ACAD10: variants seen among roughly 807,000 people sequenced by gnomAD.
The protein encoded by ACAD10 is ACAD-10.
In ACAD10, 112 loss-of-function variants were observed where a neutral mutation model predicts 116.8. That is an observed-to-expected ratio of 0.96 (90% CI 0.82 to 1.12). ACAD10 has a LOEUF of 1.12. Ranked by LOEUF, ACAD10 falls within the 50% of genes most tolerant of loss-of-function variation. The probability of loss-of-function intolerance (pLI) is 0.00; values close to 1 mark genes in which losing one functional copy is unlikely to be tolerated. For synonymous variants in ACAD10, 486 were observed against 510.6 expected (o/e 0.95, Z 0.65); for missense variants, 1,259 against 1,350.2 (o/e 0.93, Z 1.06).
chr12:111,745,835 C>CTTTTT (rs532150491), intron 13 of ACAD10, among the ~76,000 whole-genome samples: 42 of 104,762 alleles, frequency 4.0e-4, no homozygotes, highest in Middle Eastern at 6.8e-3. Context: ...CCATCTCTCT[C>CTTTTT]TTTTTTTTTT....
rs150643910 is a variant in ACAD10 at position 111,748,449 on chromosome 12, C to G, written c.2618C>G (p.Thr873Arg). Reference protein sequence around the residue: ...TPGIKIIRPLTVYGLEDAPGG... With the variant: ...TPGIKIIRPLRVYGLEDAPGG... ...GGGATAAAAATCATCCGGCCTCTGA[C>G]GGTGTATGGACTGGAAGATGCACCA... Residue 873 changes from threonine (T) to arginine (R), a missense_variant, in exon 17 of 21, where the codon ACG (threonine) becomes AGG (arginine). By Grantham distance (71) the Thr-to-Arg change is moderately conservative (BLOSUM62 -1). Coordinates refer to ENST00000313698, the MANE Select transcript of ACAD10 (RefSeq NM_025247.6). The G allele has an allele frequency of 6.2e-7, 1 of 1,613,658 alleles. No individual in the cohort carries two copies. Among genetic ancestry groups the G allele is most frequent in the East Asian group, 2.2e-5 (1 of 44,906 alleles).
Position 111,692,713 on chromosome 12 carries a change from T to C in ACAD10, c.4T>C (p.Cys2Arg), listed in dbSNP as rs1293721644. 1.2e-6 allele frequency: 2 copies of C among 1,613,458 alleles called. No homozygotes were observed. The highest frequency in any genetic ancestry group is 1.1e-5 in the South Asian group (1 of 91,024). M[C>R]VRSCFQSPRL... is the part of the protein sequence containing the mutation. ...CCCACACAGCCTCAGCCTCACCATG[T>C]GTGTCAGGAGCTGTTTCCAGTCCCC... Residue 2 changes from cysteine to arginine, a missense_variant, in exon 2 of 21, where the codon TGT becomes CGT. By Grantham distance (180) the Cys-to-Arg change is radical. Coordinates refer to ENST00000313698, the MANE Select transcript of ACAD10 (RefSeq NM_025247.6).
intron 12 of ACAD10, among the ~76,000 whole-genome samples, chr12:111,739,304 G>A (rs1315610273): frequency 1.3e-5 from 2 of 152,146 alleles, no homozygotes; most frequent in African/African-American, 2.4e-5. Context: ...GGGAAACACA[G>A]GGTTCAGAGG....
chr12:111,715,559 C>T (rs566386623), intron 6 of ACAD10: 5 of 422,388 alleles, frequency 1.2e-5, no homozygotes, highest in Admixed American at 3.5e-5. Context: ...TGGACACCTG[C>T]ACAAACTGAG....
At chr12:111,750,407 A>G (rs1890043583) in intron 18 of ACAD10, among the ~76,000 whole-genome samples, 1 of 152,128 alleles carries the variant, frequency 6.6e-6, no homozygotes, top group Non-Finnish European at 1.5e-5. Flanking sequence ...GGCGTGAGCC[A>G]CCGTGCCTGG....
At position 111,705,960 on chromosome 12, in the gene ACAD10, G is replaced by A. The variant is rs368266157; in HGVS notation, c.531+28G>A. On this transcript the variant is annotated intron_variant, in intron 4 of 20. Coordinates refer to ENST00000313698, the MANE Select transcript of ACAD10 (RefSeq NM_025247.6). ...AAGCTTGAGCTAATTGAAAACCATTGGAACAGAATCTGTGCCCTCGCTTCA... is the reference window on the plus strand; with the variant it reads ...AAGCTTGAGCTAATTGAAAACCATTAGAACAGAATCTGTGCCCTCGCTTCA... 4 of 1,608,644 alleles carry A rather than the reference G, an allele frequency of 2.5e-6. No homozygotes were observed. The African/African-American group carries it at 4.0e-5, about 16-fold the overall frequency.
rs535856597 is a variant in ACAD10 at position 111,729,338 on chromosome 12, A to G, written c.1244-468A>G. On this transcript the variant is annotated intron_variant, in intron 9 of 20. Transcript: ENST00000313698. The stretch of plus-strand genomic sequence containing the variant: ...CTTCAACCTCCGCCTCCTGGGTTCA[A>G]GCGATTTTCCTGCCTCAGCCTCCCA... 6.6e-5 allele frequency among the ~76,000 whole-genome samples: 10 copies of G among 152,286 alleles called. No individual in the cohort carries two copies. The East Asian group carries it at 1.7e-3, about 26-fold the overall frequency.
rs752308560 is a variant in ACAD10 at position 111,702,252 on chromosome 12, G to C, written c.278G>C (p.Arg93Thr). ...AATGGGCCCTGGATGAGATTTATGA[G>C]AGCAGAAATAACAGCAGAGGGTTTT... Reference protein sequence around the residue: ...GENGPWMRFMRAEITAEGFLR... With the variant: ...GENGPWMRFMTAEITAEGFLR... The change falls in exon 3 of 21, where the codon AGA becomes ACA. Residue 93 changes from arginine (R) to threonine (T), a missense_variant. Coordinates refer to ENST00000313698, the MANE Select transcript of ACAD10 (RefSeq NM_025247.6). 2 of 1,614,142 alleles carry C rather than the reference G, an allele frequency of 1.2e-6. No individual in the cohort carries two copies. Among genetic ancestry groups the C allele is most frequent in the East Asian group, 2.2e-5 (1 of 44,882 alleles).
At chr12:111,698,728 G>C (rs1042164679) in intron 2 of ACAD10, among the ~76,000 whole-genome samples, 1 of 151,918 alleles carries the variant, frequency 6.6e-6, no homozygotes, top group Non-Finnish European at 1.5e-5. Flanking sequence ...TGCCCGCCTT[G>C]GCCTCCCAAA....
chr12:111,706,810 G>A (rs1395171606), intron 4 of ACAD10, among the ~76,000 whole-genome samples: 1 of 132,648 alleles, frequency 7.5e-6, no homozygotes, highest in Non-Finnish European at 1.5e-5. Flanking sequence ...ATCTCACTCT[G>A]TTGCCCAGGC....
intron 8 of ACAD10, among the ~76,000 whole-genome samples, chr12:111,724,144 T>C (rs1593036673): frequency 8.0e-6 from 1 of 124,262 alleles, no homozygotes; most frequent in Non-Finnish European, 1.7e-5. Flanking sequence ...CTTTCCAGAC[T>C]GGGCAGCCAG....
intron 12 of ACAD10, among the ~76,000 whole-genome samples, chr12:111,742,588 G>A (rs1474622997): frequency 6.6e-6 from 1 of 152,110 alleles, no homozygotes; most frequent in African/African-American, 2.4e-5. Context: ...AGCTGGGCAT[G>A]GTGGCTCATG....
intron 13 of ACAD10, chr12:111,745,246 AGATGGCT>A: frequency 3.1e-6 from 2 of 636,014 alleles, no homozygotes; most frequent in Non-Finnish European, 5.3e-6. Flanking sequence ...TGTCACAGGC[AGATGGCT>A]CAGGTGTGAC....
intron 1 of ACAD10, among the ~76,000 whole-genome samples, chr12:111,687,512 CAT>C (rs142007647): frequency 0.015 from 2,341 of 152,156 alleles, 71 homozygotes; most frequent in African/African-American, 0.053. Flanking sequence ...GGTTAGAAAA[CAT>C]AACCCTGTTG....
chr12:111,712,760 C>A (rs1888724359), intron 6 of ACAD10, 103 bp downstream of exon 6: 2 of 1,330,332 alleles, frequency 1.5e-6, no homozygotes, highest in Non-Finnish European at 2.1e-6. Context: ...GACAAAGAAG[C>A]TTTACAGTGA....
intron 19 of ACAD10, among the ~76,000 whole-genome samples, chr12:111,754,675 T>G (rs1051422151): frequency 1.3e-5 from 2 of 152,170 alleles, no homozygotes; most frequent in African/African-American, 4.8e-5. Flanking sequence ...CTAGATATGG[T>G]GGAGGCTGCT....
At chr12:111,714,667 CAAAAG>C (rs1224736835) in intron 6 of ACAD10, among the ~76,000 whole-genome samples, 4 of 148,946 alleles carry the variant, frequency 2.7e-5, no homozygotes, top group African/African-American at 9.8e-5. Context: ...ATCTCAAAAA[CAAAAG>C]AAAACAAAAA....
intron 1 of ACAD10, among the ~76,000 whole-genome samples, chr12:111,691,896 G>A (rs1387776312): frequency 2.6e-5 from 4 of 152,024 alleles, no homozygotes; most frequent in African/African-American, 9.7e-5. Context: ...TGCGCCTGAC[G>A]GGAGTAGATC....
chr12:111,733,476 C>G (rs1889458765), intron 10 of ACAD10, among the ~76,000 whole-genome samples: 1 of 152,044 alleles, frequency 6.6e-6, no homozygotes, highest in Non-Finnish European at 1.5e-5. Context: ...CGTTTTCTGA[C>G]CTAGTCTAGT....
Sources: gnomAD v4.1 joint callset for allele counts (sites outside exome capture counted in the v4.1 genomes callset) on GRCh38, gnomAD v4.1.1 for gene constraint, MANE v1.5 for transcripts, NCBI Gene and HGNC (gene_info 2026-07-23, HGNC 2026-07-21) for gene names.